KCNMA1: variants seen among roughly 807,000 people sequenced by gnomAD.
KCNMA1 encodes the protein Calcium-activated potassium channel subunit alpha-1.
In KCNMA1, 29 loss-of-function variants were observed where a neutral mutation model predicts 140.0. The observed-to-expected ratio is 0.21, with a 90% CI of 0.15 to 0.28. The LOEUF (loss-of-function observed/expected upper bound fraction) is 0.28, where lower values mean the gene tolerates loss of function less well. Ranked by LOEUF, KCNMA1 falls within the 10% of genes least tolerant of loss-of-function variation. KCNMA1 has a pLI of 1.00. For synonymous variants in KCNMA1, 612 were observed against 611.9 expected (o/e 1.00, Z 0.00); for missense variants, 880 against 1,602.2 (o/e 0.55, Z 7.70).
Position 77,070,443 on chromosome 10 carries a change from C to G in KCNMA1, c.1749+2654G>C, listed in dbSNP as rs544679671. Reference sequence around the variant, plus strand: ...CTGCCGCACCAAAAAACAGACACGACCGGCCTAGGGGAAGGGAGAGGGTGA... The same window carrying G: ...CTGCCGCACCAAAAAACAGACACGAGCGGCCTAGGGGAAGGGAGAGGGTGA... On this transcript the variant is annotated intron_variant, in intron 14 of 27. Transcript: ENST00000286628. Among the ~76,000 whole-genome samples, 6 of 152,188 alleles carry G rather than the reference C, an allele frequency of 3.9e-5. 1 individual carries two copies. The South Asian group carries it at 1.2e-3, about 32-fold the overall frequency.
At chr10:77,316,604 G>GA (rs1231447427) in intron 2 of KCNMA1, among the ~76,000 whole-genome samples, 1 of 152,132 alleles carries the variant, frequency 6.6e-6, no homozygotes, top group Non-Finnish European at 1.5e-5. Flanking sequence ...ACTTTGAGAA[G>GA]CATTGGTTTA....
In KCNMA1 at chr10:77,064,971, G is replaced by T. The variant is rs529640579; in HGVS notation, c.1749+8126C>A. Among the ~76,000 whole-genome samples, 7 of 152,226 alleles carry T rather than the reference G, an allele frequency of 4.6e-5. No individual in the cohort carries two copies. In the South Asian group the frequency reaches 1.5e-3, roughly 32 times the overall value. ...CATTGAATCAAAGCTCTTTAATTTGGCAAGGGAATCATATACAGTAGCAAA... is the reference window on the plus strand; with the variant it reads ...CATTGAATCAAAGCTCTTTAATTTGTCAAGGGAATCATATACAGTAGCAAA... On this transcript the variant is annotated intron_variant, in intron 14 of 27. Transcript: ENST00000286628.
chr10:77,317,948 G>A (rs889003257), intron 2 of KCNMA1, among the ~76,000 whole-genome samples: 7 of 152,268 alleles, frequency 4.6e-5, no homozygotes, highest in Non-Finnish European at 5.9e-5. Flanking sequence ...GGTTGAGCCC[G>A]CATCTTCAAC....
At chr10:77,200,750 A>G (rs887353941) in intron 3 of KCNMA1, among the ~76,000 whole-genome samples, 1 of 152,216 alleles carries the variant, frequency 6.6e-6, no homozygotes, top group Non-Finnish European at 1.5e-5. Flanking sequence ...CAGTACCTCA[A>G]ATAGGGGTAC....
At chr10:77,261,565 C>G (rs891697120) in intron 2 of KCNMA1, among the ~76,000 whole-genome samples, 6 of 152,244 alleles carry the variant, frequency 3.9e-5, no homozygotes, top group African/African-American at 1.4e-4. Context: ...TATATTCCTC[C>G]TAGGGCTTAA....
chr10:76,887,589 G>T (rs2037702560), intron 27 of KCNMA1, 74 bp from the exon 28 acceptor site: 4 of 1,553,402 alleles, frequency 2.6e-6, no homozygotes, highest in African/African-American at 1.4e-5. Flanking sequence ...TGAACCAAAA[G>T]CAATGGCCTG....
At chr10:76,919,975 A>C (rs2054651171) in intron 23 of KCNMA1, among the ~76,000 whole-genome samples, 1 of 131,572 alleles carries the variant, frequency 7.6e-6, no homozygotes. Context: ...TGAGAAGGCA[A>C]TGAGCATTGT....
At chr10:77,303,454 C>T (rs1293079629) in intron 2 of KCNMA1, among the ~76,000 whole-genome samples, 1 of 152,188 alleles carries the variant, frequency 6.6e-6, no homozygotes, top group Admixed American at 6.5e-5. Context: ...TAGAAAAACC[C>T]ATAGGTAAAC....
intron 20 of KCNMA1, among the ~76,000 whole-genome samples, chr10:76,956,507 C>T (rs1379927683): frequency 2.6e-5 from 4 of 152,156 alleles, no homozygotes; most frequent in African/African-American, 9.7e-5. Flanking sequence ...AAAGACATTA[C>T]CCTCTCTGAC....
intron 5 of KCNMA1, among the ~76,000 whole-genome samples, chr10:77,177,531 G>T (rs778235139): frequency 4.1e-5 from 6 of 146,912 alleles, no homozygotes; most frequent in Non-Finnish European, 9.0e-5. Context: ...CTTTAGCAGG[G>T]TCTTACTATG....
chr10:77,257,027 T>G (rs564935953), intron 2 of KCNMA1, among the ~76,000 whole-genome samples: 1 of 152,130 alleles, frequency 6.6e-6, no homozygotes, highest in East Asian at 1.9e-4. Context: ...GAGGATCGCT[T>G]GAGCCTGGGA....
intron 3 of KCNMA1, chr10:77,249,629 C>T (rs912849820): frequency 6.6e-6 from 1 of 152,268 alleles, no homozygotes. Flanking sequence ...TTTCCTGAGT[C>T]TCAGCATGGA....
chr10:77,044,041 C>T (rs1474708620), intron 14 of KCNMA1, among the ~76,000 whole-genome samples: 1 of 152,112 alleles, frequency 6.6e-6, no homozygotes, highest in African/African-American at 2.4e-5. Context: ...TTATGTATAA[C>T]ATAAGAGCAG....
At chr10:77,472,979 A>T (rs1281228937) in intron 1 of KCNMA1, among the ~76,000 whole-genome samples, 1 of 152,198 alleles carries the variant, frequency 6.6e-6, no homozygotes, top group Non-Finnish European at 1.5e-5. Context: ...CCAAAACCCA[A>T]ATGTGCACTT....
intron 20 of KCNMA1, among the ~76,000 whole-genome samples, chr10:76,967,140 G>A (rs2074268818): frequency 6.6e-6 from 1 of 152,170 alleles, no homozygotes; most frequent in South Asian, 2.1e-4. Context: ...GCCCATCCTA[G>A]CCCATTCTGG....
chr10:77,036,845 CAG>C, intron 15 of KCNMA1, among the ~76,000 whole-genome samples: 1 of 152,268 alleles, frequency 6.6e-6, no homozygotes. Context: ...GTAGAAAACA[CAG>C]ATAATTAAGC....
chr10:77,386,693 G>A (rs1249791091), intron 2 of KCNMA1, among the ~76,000 whole-genome samples: 1 of 152,160 alleles, frequency 6.6e-6, no homozygotes, highest in Non-Finnish European at 1.5e-5. Flanking sequence ...TCATCTTGAT[G>A]GAGATGATAA....
chr10:77,292,831 A>G (rs2154314693), intron 2 of KCNMA1, among the ~76,000 whole-genome samples: 2 of 152,370 alleles, frequency 1.3e-5, no homozygotes, highest in East Asian at 3.9e-4. Flanking sequence ...CTTAGAACTT[A>G]CATTCCAGTG....
intron 1 of KCNMA1, among the ~76,000 whole-genome samples, chr10:77,470,803 A>T (rs1401651237): frequency 6.6e-6 from 1 of 152,204 alleles, no homozygotes; most frequent in Non-Finnish European, 1.5e-5. Context: ...ACTTCTTTAG[A>T]AGCACAATTT....
Sources: allele counts gnomAD v4.1 joint callset (sites outside exome capture counted in the v4.1 genomes callset), GRCh38; gene constraint gnomAD v4.1.1; transcripts MANE v1.5; gene names NCBI Gene and HGNC (gene_info 2026-07-23, HGNC 2026-07-21).